The following SLC4A2 variants were observed in gnomAD, a reference collection of about 807,000 sequenced individuals.
The protein encoded by SLC4A2 is anion exchange protein 2.
Under a neutral mutation model 115.0 loss-of-function variants are expected in SLC4A2, and 36 were observed. That is an observed-to-expected ratio of 0.31 (90% confidence interval 0.24 to 0.41). SLC4A2 has a LOEUF of 0.41. Ranked by LOEUF, SLC4A2 falls within the 10% of genes least tolerant of loss-of-function variation. The pLI is 1.00. For synonymous variants in SLC4A2, 708 were observed against 708.3 expected, an observed-to-expected ratio of 1.00 and a Z score of 0.01; for missense variants, 1,252 against 1,705.6, an observed-to-expected ratio of 0.73 and a Z score of 4.68.
At chr7:151,066,369 C>T (rs1194310281) in intron 5 of SLC4A2, 148 bp from the exon 6 acceptor site, 1 of 936,048 alleles carries the variant, frequency 1.1e-6, no homozygotes, top group East Asian at 2.7e-5. Context: ...AGAATCCTCC[C>T]CCTCCCCGTG....
chr7:151,062,883 C>T, intron 2 of SLC4A2: 1 of 1,392,114 alleles, frequency 7.2e-7, no homozygotes, highest in Non-Finnish European at 9.3e-7. Context: ...GCTCCAGTCC[C>T]CACCTCGCCC....
intron 16 of SLC4A2, among the ~76,000 whole-genome samples, chr7:151,072,624 C>T (rs1490858736): frequency 6.6e-6 from 1 of 151,598 alleles, no homozygotes; most frequent in Non-Finnish European, 1.5e-5. Context: ...TCGAACTAGA[C>T]AGATCAATCT....
intron 5 of SLC4A2, among the ~76,000 whole-genome samples, chr7:151,066,131 G>A (rs1234068546): frequency 6.6e-6 from 1 of 152,194 alleles, no homozygotes; most frequent in Non-Finnish European, 1.5e-5. Flanking sequence ...GATGAATGCT[G>A]ACTGTCAGGA....
rs1293795362 is a variant in SLC4A2 at position 151,071,263 on chromosome 7, G to A, written c.1941G>A (p.Gly647=). The A allele has an allele frequency of 6.4e-7, 1 of 1,562,832 alleles. No homozygotes were observed. Among genetic ancestry groups the A allele is most frequent in the East Asian group, 2.4e-5 (1 of 41,676 alleles). ...AGCAGGGCCGGCTGCTACCTACAGGGGCTGGGCTGGAGCCCAAATCTGCCC... is the reference window on the plus strand; with the variant it reads ...AGCAGGGCCGGCTGCTACCTACAGGAGCTGGGCTGGAGCCCAAATCTGCCC... ...REEQGRLLPT[G]AGLEPKSAQD... is the part of the protein sequence containing the mutation. Residue 647 remains glycine, a synonymous_variant, in exon 13 of 23, where the codon GGG becomes GGA. Coordinates refer to ENST00000413384, the MANE Select transcript of SLC4A2 (RefSeq NM_003040.4). This position sits in a 1 kb window ranked among gnomAD's most constrained non-coding sequence, Gnocchi z 5.5.
chr7:151,061,589 A>C (rs1797047430), intron 1 of SLC4A2: 1 of 201,624 alleles, frequency 5.0e-6, no homozygotes. Context: ...TCCCCAGCTC[A>C]TTATCACTCC....
In SLC4A2 at chr7:151,076,383, AGCCGAGGGACC is replaced by A; in HGVS notation, c.*18_*28del. On this transcript the variant is annotated 3_prime_UTR_variant, in exon 23 of 23. Coordinates refer to ENST00000413384, the MANE Select transcript of SLC4A2 (RefSeq NM_003040.4). ...GCCTGTGTAGCCGCCACCGAGGGACAGCCGAGGGACCGATGGACGAGGGGACAGGCTGGTGG... is the reference window on the plus strand; with the variant it reads ...GCCTGTGTAGCCGCCACCGAGGGACAGATGGACGAGGGGACAGGCTGGTGG... 3 of 1,484,698 alleles carry A rather than the reference AGCCGAGGGACC, an allele frequency of 2.0e-6. No homozygotes were observed. Among genetic ancestry groups the A allele is most frequent in the Non-Finnish European group, 2.7e-6 (3 of 1,116,566 alleles). The allele number at this position is 1,484,698 out of a possible 1,614,324, so 92.0% of individuals were successfully genotyped here. A position where few individuals can be genotyped will look rare whatever the true frequency, so the allele number is the denominator to read the frequency against.
At chr7:151,068,124 G>A (rs901002525) in intron 8 of SLC4A2, 70 bp downstream of exon 8, 2 of 1,225,540 alleles carry the variant, frequency 1.6e-6, no homozygotes, top group Admixed American at 3.7e-5. Context: ...CCCCAAATCT[G>A]TCTTGAGCCC....
chr7:151,074,053 C>T lies in SLC4A2; in HGVS notation c.2550C>T (p.His850=), dbSNP rs1797532070. 6.3e-7 allele frequency: 1 copy of T among 1,584,874 alleles called. No individual in the cohort carries two copies. Among genetic ancestry groups the T allele is most frequent in the Non-Finnish European group, 8.6e-7 (1 of 1,160,694 alleles). ...CCTCTCCCCAGATCTTCCAGGAGCA[C>T]CCCCTGCATGGCTGCTCAGCCTCCA... The part of the protein sequence containing the change: ...FYKLVKIFQE[H]PLHGCSASNS... The change falls in exon 17 of 23, where the codon CAC becomes CAT. Residue 850 remains histidine (H), a synonymous_variant. Coordinates refer to ENST00000413384, the MANE Select transcript of SLC4A2 (RefSeq NM_003040.4).
chr7:151,069,666 C>CT (rs1278046513), intron 8 of SLC4A2, among the ~76,000 whole-genome samples: 2 of 152,070 alleles, frequency 1.3e-5, no homozygotes, highest in African/African-American at 4.8e-5. Flanking sequence ...GAAGGGGTGT[C>CT]TGACAGGCGT....
upstream of SLC4A2, chr7:151,058,264 G>C (rs1402593238): frequency 3.9e-6 from 1 of 256,396 alleles, no homozygotes; most frequent in African/African-American, 2.3e-5. Context: ...AGAATGCAGC[G>C]GAAATGGGGG....
chr7:151,069,363 A>G (rs1223898360), intron 8 of SLC4A2, among the ~76,000 whole-genome samples: 1 of 152,084 alleles, frequency 6.6e-6, no homozygotes, highest in African/African-American at 2.4e-5. Context: ...GCCTTGCCAG[A>G]TGAATGACCT....
chr7:151,064,589 G>A lies in SLC4A2; in HGVS notation c.281G>A (p.Arg94His), dbSNP rs576959402. 36 of 1,612,854 alleles carry A rather than the reference G, an allele frequency of 2.2e-5. No homozygotes were observed. Among genetic ancestry groups the A allele is most frequent in the Admixed American group, 1.3e-4 (8 of 60,010 alleles). ...PLSTHLPPDA[R>H]RRKTPQGPGR... Reference sequence around the variant, plus strand: ...TCCACCCACCTGCCTCCGGATGCACGCCGCCGCAAGACACCCCAGGGCCCA... The same window carrying A: ...TCCACCCACCTGCCTCCGGATGCACACCGCCGCAAGACACCCCAGGGCCCA... Residue 94 changes from arginine (R) to histidine (H), a missense_variant, in exon 4 of 23, where the codon CGC becomes CAC. By Grantham distance (29) the Arg-to-His change is conservative (BLOSUM62 0). This residue lies in a region of SLC4A2 where 215 missense variants were observed against 205.2 expected (regional missense o/e 1.05). Transcript: ENST00000413384.
chr7:151,075,264 C>T lies in SLC4A2; in HGVS notation c.3057C>T (p.Ile1019=). The T allele has an allele frequency of 6.2e-7, 1 of 1,613,064 alleles. No individual in the cohort carries two copies. Among genetic ancestry groups the T allele is most frequent in the South Asian group, 1.1e-5 (1 of 91,088 alleles). The change falls in exon 20 of 23, where the codon ATC becomes ATT. Residue 1019 remains isoleucine (I), a synonymous_variant. Transcript: ENST00000413384. ...FMETQITTLI[I]SKKERMLQKG... is the part of the protein sequence containing the mutation. Reference sequence around the variant, plus strand: ...CCCCTCCCGCTCTCAGGCTCATCATCTCCAAGAAGGAGCGCATGCTGCAGA... The same window carrying T: ...CCCCTCCCGCTCTCAGGCTCATCATTTCCAAGAAGGAGCGCATGCTGCAGA...
chr7:151,062,140 AGT>A (rs1797070580), intron 2 of SLC4A2, 102 bp downstream of exon 2: 4 of 197,462 alleles, frequency 2.0e-5, no homozygotes, highest in Admixed American at 1.0e-4. Context: ...AGCGTGTGTG[AGT>A]GTGGAGACTG....
At chr7:151,065,510 A>G (rs1423156052) in intron 5 of SLC4A2, among the ~76,000 whole-genome samples, 4 of 152,208 alleles carry the variant, frequency 2.6e-5, no homozygotes, top group Non-Finnish European at 5.9e-5. Context: ...TGTCAGTACC[A>G]GTGGATGATT....
At chr7:151,072,203 G>A in intron 16 of SLC4A2, 67 bp downstream of exon 16, 2 of 1,424,860 alleles carry the variant, frequency 1.4e-6, no homozygotes, top group South Asian at 1.2e-5. Context: ...GGAGTCTCTT[G>A]GTCCCATCCT....
At chr7:151,072,269 A>C (rs150818339) in intron 16 of SLC4A2, 133 bp downstream of exon 16, 1 of 676,146 alleles carries the variant, frequency 1.5e-6, no homozygotes, top group East Asian at 2.5e-5. Flanking sequence ...GCCAACACGT[A>C]TACCAGGGCT....
At chr7:151,062,502 T>C (rs1419191396) in intron 2 of SLC4A2, 2 of 1,364,922 alleles carry the variant, frequency 1.5e-6, no homozygotes, top group Admixed American at 6.8e-5. Flanking sequence ...CCTTTGGATT[T>C]TCCTAAGGAG....
Position 151,066,670 on chromosome 7 carries a change from G to T in SLC4A2, c.732G>T (p.Met244Ile). ...AGGAGAGGAGGCGCATCGGGAGCATGACTGGGGCTGAGCAGGCACTGCTGC... is the reference window on the plus strand; with the variant it reads ...AGGAGAGGAGGCGCATCGGGAGCATTACTGGGGCTGAGCAGGCACTGCTGC... ...NLQERRRIGS[M>I]TGAEQALLPR... Residue 244 changes from methionine (M) to isoleucine (I), a missense_variant, in exon 6 of 23, where the codon ATG becomes ATT. Physicochemically the swap from Met to Ile is conservative, Grantham distance 10 (BLOSUM62 1). Transcript: ENST00000413384. 6.4e-7 allele frequency: 1 copy of T among 1,551,170 alleles called. No homozygotes were observed. The highest frequency in any genetic ancestry group is 8.7e-7 in the Non-Finnish European group (1 of 1,147,220).
Sources: gnomAD v4.1 joint callset for allele counts (sites outside exome capture counted in the v4.1 genomes callset) on GRCh38, gnomAD v4.1.1 for gene constraint, gnomAD v4.1.1 regional missense constraint, Gnocchi (gnomAD v3.1) non-coding constraint, MANE v1.5 for transcripts, NCBI Gene and HGNC (gene_info 2026-07-23, HGNC 2026-07-21) for gene names.